LCOR: variants seen among roughly 807,000 people sequenced by gnomAD.
LCOR encodes the protein ligand dependent nuclear receptor corepressor.
Under a neutral mutation model 64.4 loss-of-function variants are expected in LCOR, and 14 were observed. That is an observed-to-expected ratio of 0.22 (90% CI 0.14 to 0.34). LCOR has a LOEUF of 0.34. LCOR is among the 10% of genes least tolerant of loss of function. The probability of loss-of-function intolerance (pLI) is 1.00; values close to 1 mark genes in which losing one functional copy is unlikely to be tolerated. For missense variants in LCOR, 1,686 were observed against 1,765.3 expected (o/e 0.96, Z 0.80); for synonymous variants, 643 against 642.5 (o/e 1.00, Z -0.01).
In LCOR at chr10:96,983,604, T is replaced by G; in HGVS notation, c.3144T>G (p.Ser1048=). The part of the protein sequence containing the change: ...SSTYNLRHAH[S]LGSLDASKVT... Reference sequence around the variant, plus strand: ...CCTACAACCTAAGACACGCTCATTCTCTGGGCTCCTTGGATGCTTCAAAAG... The same window carrying G: ...CCTACAACCTAAGACACGCTCATTCGCTGGGCTCCTTGGATGCTTCAAAAG... The change falls in exon 8 of 8, where the codon TCT becomes TCG. Residue 1048 remains serine, a synonymous_variant. Coordinates refer to ENST00000421806, the MANE Select transcript of LCOR (RefSeq NM_001346516.2). This position sits in a 1 kb window ranked among gnomAD's most constrained non-coding sequence, Gnocchi z 4.5. 6.2e-7 allele frequency: 1 copy of G among 1,614,208 alleles called. No individual in the cohort carries two copies. The highest frequency in any genetic ancestry group is 1.1e-5 in the South Asian group (1 of 91,082).
chr10:96,882,637 G>C (rs561259187), intron 2 of LCOR, among the ~76,000 whole-genome samples: 19 of 152,220 alleles, frequency 1.2e-4, no homozygotes, highest in African/African-American at 4.1e-4. Context: ...TTCACTATTG[G>C]TGTTGTATAT....
intron 2 of LCOR, among the ~76,000 whole-genome samples, chr10:96,859,467 C>T (rs1380784487): frequency 6.6e-6 from 1 of 152,112 alleles, no homozygotes; most frequent in African/African-American, 2.4e-5. Flanking sequence ...TTGCCTCAGC[C>T]TCCCAAAGTG....
At chr10:96,921,286 C>G (rs965330592) in intron 4 of LCOR, among the ~76,000 whole-genome samples, 1 of 151,634 alleles carries the variant, frequency 6.6e-6, no homozygotes, top group Non-Finnish European at 1.5e-5. Context: ...GTTGTCTGTT[C>G]TTTTGGAGTT....
At chr10:96,866,495 A>T (rs1845976548) in intron 2 of LCOR, among the ~76,000 whole-genome samples, 1 of 152,152 alleles carries the variant, frequency 6.6e-6, no homozygotes, top group South Asian at 2.1e-4. Flanking sequence ...ACCATTATTC[A>T]TTTCTCTTGG....
chr10:96,941,781 A>G (rs1303896981), intron 4 of LCOR, among the ~76,000 whole-genome samples: 3,868 of 119,644 alleles, frequency 0.032, no homozygotes, highest in African/African-American at 0.041. Context: ...GGCCCAGCAG[A>G]GGCGCTCCTC....
At chr10:96,846,734 C>G (rs1845636376) in intron 2 of LCOR, among the ~76,000 whole-genome samples, 1 of 152,102 alleles carries the variant, frequency 6.6e-6, no homozygotes, top group Admixed American at 6.6e-5. Flanking sequence ...AATAAATAGA[C>G]ATATACTGAG....
chr10:96,968,916 C>CT (rs1450054148), intron 7 of LCOR, among the ~76,000 whole-genome samples: 1 of 151,106 alleles, frequency 6.6e-6, no homozygotes, highest in Non-Finnish European at 1.5e-5. Context: ...GCCTGGGTGA[C>CT]TAAGTAAGAG....
chr10:96,959,730 T>C (rs1847850381), intron 7 of LCOR: 1 of 152,208 alleles, frequency 6.6e-6, no homozygotes, highest in Admixed American at 6.5e-5. Flanking sequence ...GTATAATACT[T>C]TTTAATATTA....
At chr10:96,871,255 C>T (rs1846067230) in intron 2 of LCOR, among the ~76,000 whole-genome samples, 1 of 151,416 alleles carries the variant, frequency 6.6e-6, no homozygotes, top group African/African-American at 2.4e-5. Context: ...CAAGGTTTCC[C>T]TGTGTTGCCC....
At chr10:96,903,056 A>G (rs1846668208) in intron 2 of LCOR, among the ~76,000 whole-genome samples, 1 of 152,186 alleles carries the variant, frequency 6.6e-6, no homozygotes, top group African/African-American at 2.4e-5. Flanking sequence ...TCATTGTCAC[A>G]CAGTGGTAAG....
chr10:96,891,903 A>G (rs1408416726), intron 2 of LCOR, among the ~76,000 whole-genome samples: 4 of 152,010 alleles, frequency 2.6e-5, no homozygotes, highest in East Asian at 1.9e-4. Flanking sequence ...CATATTTGCA[A>G]ATTTTTCAGT....
chr10:96,908,732 T>C (rs1484035632), intron 4 of LCOR, among the ~76,000 whole-genome samples: 2 of 151,946 alleles, frequency 1.3e-5, no homozygotes, highest in Admixed American at 6.6e-5. Flanking sequence ...TCTTTTTTTT[T>C]TGAGATGGAG....
intron 7 of LCOR, chr10:96,961,256 TGGG>T: frequency 6.6e-6 from 1 of 152,236 alleles, no homozygotes; most frequent in South Asian, 2.1e-4. Flanking sequence ...TGCAACCGTT[TGGG>T]GGGTAATTTT....
chr10:96,975,737 A>G (rs781742521), intron 7 of LCOR, among the ~76,000 whole-genome samples: 10 of 152,070 alleles, frequency 6.6e-5, no homozygotes, highest in Non-Finnish European at 1.2e-4. Context: ...GACTCTGGCC[A>G]GGAGTGGTGG....
intron 2 of LCOR, among the ~76,000 whole-genome samples, chr10:96,864,088 G>A (rs934132796): frequency 2.0e-5 from 3 of 152,056 alleles, no homozygotes; most frequent in Non-Finnish European, 4.4e-5. Flanking sequence ...GAACCTTATC[G>A]CCTAATTTCT....
At chr10:96,955,148 G>A (rs770993470) in intron 7 of LCOR, 2 of 1,614,158 alleles carry the variant, frequency 1.2e-6, no homozygotes, top group Non-Finnish European at 1.7e-6. Flanking sequence ...CCAGCCTTGG[G>A]CCATCTGGAT....
intron 2 of LCOR, among the ~76,000 whole-genome samples, chr10:96,844,552 A>T (rs1246815825): frequency 2.0e-5 from 3 of 152,156 alleles, no homozygotes; most frequent in Admixed American, 2.0e-4. Context: ...CTTTGACTAG[A>T]ATACCTTGCC....
intron 6 of LCOR, 119 bp from the exon 7 acceptor site, chr10:96,951,984 G>A: frequency 1.6e-6 from 1 of 633,562 alleles, no homozygotes; most frequent in Non-Finnish European, 2.8e-6. Flanking sequence ...TCAAATATAT[G>A]ACTAGCATAT....
At chr10:96,967,554 T>G (rs1847962408) in intron 7 of LCOR, among the ~76,000 whole-genome samples, 1 of 152,182 alleles carries the variant, frequency 6.6e-6, no homozygotes, top group African/African-American at 2.4e-5. Flanking sequence ...ACTCGTGAGT[T>G]GAAATATTTA....
Sources: gnomAD v4.1 joint callset for allele counts (sites outside exome capture counted in the v4.1 genomes callset) on GRCh38, gnomAD v4.1.1 for gene constraint, Gnocchi (gnomAD v3.1) non-coding constraint, MANE v1.5 for transcripts, NCBI Gene and HGNC (gene_info 2026-07-23, HGNC 2026-07-21) for gene names.